The following HCN1 variants were observed in gnomAD, a reference collection of about 807,000 sequenced individuals.
HCN1 encodes the protein potassium/sodium hyperpolarization-activated cyclic nucleotide-gated channel 1.
HCN1 carries 13 observed loss-of-function variants against 78.9 expected under a neutral mutation model. The observed-to-expected ratio is 0.16, with a 90% CI of 0.11 to 0.26. The LOEUF (loss-of-function observed/expected upper bound fraction) is 0.26. Ranked by LOEUF, HCN1 falls within the 10% of genes least tolerant of loss-of-function variation. HCN1 has a pLI of 1.00. For missense variants in HCN1, 810 were observed against 1,154.3 expected, an observed-to-expected ratio of 0.70 and a Z score of 4.32; for synonymous variants, 552 against 455.5, an observed-to-expected ratio of 1.21 and a Z score of -2.70.
At chr5:45,280,612 T>A (rs1315178750) in intron 6 of HCN1, among the ~76,000 whole-genome samples, 1 of 152,212 alleles carries the variant, frequency 6.6e-6, no homozygotes, top group Non-Finnish European at 1.5e-5. Flanking sequence ...GGAGTGCTCA[T>A]GAGGACATAT....
At chr5:45,475,145 C>G (rs961083833) in intron 2 of HCN1, among the ~76,000 whole-genome samples, 3 of 151,772 alleles carry the variant, frequency 2.0e-5, no homozygotes, top group Non-Finnish European at 2.9e-5. Flanking sequence ...ATAAAATAAA[C>G]TAGTGATTAA....
intron 1 of HCN1, 94 bp downstream of exon 1, chr5:45,695,575 T>G: frequency 1.1e-5 from 11 of 1,014,380 alleles, no homozygotes; most frequent in Admixed American, 2.3e-5. Context: ...CCGCCCGCCC[T>G]CCTAGTCCCC....
rs1330639344 is a variant in HCN1, at chr5:45,299,360, TA to T, written c.1618+4238del. On this transcript the variant is annotated intron_variant, in intron 6 of 7. Transcript: ENST00000303230. Reference sequence around the variant, plus strand: ...TAAAGCCCCTGTAATAAAAAGGAAGTAAAAGTTTAACCGTAAAAAGGGAACC... The same window carrying T: ...TAAAGCCCCTGTAATAAAAAGGAAGTAAAGTTTAACCGTAAAAAGGGAACC... Among the ~76,000 whole-genome samples the T allele has an allele frequency of 3.9e-5, 6 of 152,110 alleles. No individual in the cohort carries two copies. In the South Asian group the frequency reaches 1.0e-3, roughly 26 times the overall value.
At chr5:45,313,873 G>A (rs989233472) in intron 5 of HCN1, among the ~76,000 whole-genome samples, 4 of 152,154 alleles carry the variant, frequency 2.6e-5, no homozygotes, top group Admixed American at 2.0e-4. Context: ...TATGTGAAAA[G>A]ACCAAATCTA....
At chr5:45,466,493 C>T (rs576452385) in intron 2 of HCN1, among the ~76,000 whole-genome samples, 1 of 152,164 alleles carries the variant, frequency 6.6e-6, no homozygotes, top group East Asian at 1.9e-4. Flanking sequence ...GCCAAAAATG[C>T]CTGTCTTGAC....
chr5:45,333,118 G>T (rs1262562255), intron 5 of HCN1, among the ~76,000 whole-genome samples: 1 of 151,504 alleles, frequency 6.6e-6, no homozygotes, highest in Non-Finnish European at 1.5e-5. Flanking sequence ...AGTGTACAAG[G>T]GTTCCCTTTT....
At chr5:45,519,808 T>C (rs900872693) in intron 2 of HCN1, among the ~76,000 whole-genome samples, 1 of 151,418 alleles carries the variant, frequency 6.6e-6, no homozygotes, top group Non-Finnish European at 1.5e-5. Context: ...TTTTAAAATG[T>C]ATTTTTTTTT....
chr5:45,378,061 G>A lies in HCN1; in HGVS notation c.1230+18431C>T, dbSNP rs183670809. Among the ~76,000 whole-genome samples, 301 of 151,928 alleles carry A rather than the reference G, an allele frequency of 2.0e-3. 1 individual carries two copies. Among genetic ancestry groups the A allele is most frequent in the African/African-American group, 6.9e-3 (285 of 41,480 alleles). On this transcript the variant is annotated intron_variant, in intron 4 of 7. Coordinates refer to ENST00000303230, the MANE Select transcript of HCN1 (RefSeq NM_021072.4). ...AGGAGATTAATACATATTTAGTATA[G>A]AAAGAGACATTCAGAACTGGAGGGC...
intron 4 of HCN1, among the ~76,000 whole-genome samples, chr5:45,374,203 T>C (rs1461006160): frequency 1.7e-5 from 2 of 116,324 alleles, no homozygotes; most frequent in Admixed American, 1.0e-4. Context: ...ATTATATACA[T>C]AACATATATA....
chr5:45,496,747 C>G (rs1452567526), intron 2 of HCN1, among the ~76,000 whole-genome samples: 2 of 152,084 alleles, frequency 1.3e-5, no homozygotes, highest in South Asian at 4.1e-4. Flanking sequence ...CTTCTGCTAG[C>G]TTTTGAATGT....
chr5:45,370,106 CAT>C (rs1747322477), intron 4 of HCN1, among the ~76,000 whole-genome samples: 1 of 151,354 alleles, frequency 6.6e-6, no homozygotes, highest in Admixed American at 6.6e-5. Flanking sequence ...AATATAATAG[CAT>C]ATATATGTTT....
intron 3 of HCN1, among the ~76,000 whole-genome samples, chr5:45,460,361 G>A (rs773424881): frequency 1.6e-4 from 25 of 152,042 alleles, no homozygotes; most frequent in Non-Finnish European, 3.1e-4. Flanking sequence ...GAAATTGAAC[G>A]TGCTGGCACC....
chr5:45,603,841 G>C (rs538359717), intron 2 of HCN1, among the ~76,000 whole-genome samples: 3 of 152,138 alleles, frequency 2.0e-5, no homozygotes, highest in Admixed American at 2.0e-4. Context: ...AAGCTACAAT[G>C]TTAAGCATTC....
At chr5:45,462,117 A>C (rs1436821556) in intron 2 of HCN1, 110 bp from the exon 3 acceptor site, 3 of 801,222 alleles carry the variant, frequency 3.7e-6, no homozygotes, top group Non-Finnish European at 6.2e-6. Flanking sequence ...GATTTAATAA[A>C]AATATGGGAA....
intron 3 of HCN1, among the ~76,000 whole-genome samples, chr5:45,410,857 T>C (rs1208318187): frequency 1.3e-5 from 2 of 152,098 alleles, no homozygotes; most frequent in African/African-American, 2.4e-5. Flanking sequence ...GAAAGGCTTC[T>C]GTGTCAGTTA....
intron 2 of HCN1, among the ~76,000 whole-genome samples, chr5:45,620,333 A>G (rs1716808995): frequency 6.6e-6 from 1 of 152,062 alleles, no homozygotes; most frequent in Non-Finnish European, 1.5e-5. Flanking sequence ...TGTACAATGT[A>G]CAATATACCC....
chr5:45,299,473 T>G (rs147911056), intron 6 of HCN1, among the ~76,000 whole-genome samples: 19 of 152,102 alleles, frequency 1.2e-4, no homozygotes, highest in African/African-American at 4.3e-4. Flanking sequence ...ATCTGGGGAT[T>G]TTTTTCAACA....
intron 1 of HCN1, among the ~76,000 whole-genome samples, chr5:45,656,632 C>A (rs1179370380): frequency 6.6e-6 from 1 of 152,122 alleles, no homozygotes; most frequent in Non-Finnish European, 1.5e-5. Context: ...TAAAATAAAT[C>A]CAAGGCTATC....
intron 5 of HCN1, among the ~76,000 whole-genome samples, chr5:45,317,501 T>C (rs1436218008): frequency 6.6e-6 from 1 of 152,314 alleles, no homozygotes; most frequent in South Asian, 2.1e-4. Flanking sequence ...GATATAGGAA[T>C]GGGCAAGGAC....
Sources: gnomAD v4.1 joint callset for allele counts (sites outside exome capture counted in the v4.1 genomes callset) on GRCh38, gnomAD v4.1.1 for gene constraint, MANE v1.5 for transcripts, NCBI Gene and HGNC (gene_info 2026-07-23, HGNC 2026-07-21) for gene names.